The following COL11A1 variants were observed in gnomAD, a reference collection of about 807,000 sequenced individuals.
The protein encoded by COL11A1 is collagen alpha-1(XI) chain.
COL11A1 carries 74 observed loss-of-function variants against 265.2 expected under a neutral mutation model. The observed-to-expected ratio is 0.28, with a 90% CI of 0.23 to 0.34. COL11A1 has a LOEUF of 0.34. COL11A1 is among the 10% of genes least tolerant of loss of function. The pLI is 1.00. For synonymous variants in COL11A1, 816 were observed against 727.6 expected, an observed-to-expected ratio of 1.12 and a Z score of -1.96; for missense variants, 2,165 against 2,263.6, an observed-to-expected ratio of 0.96 and a Z score of 0.88.
At chr1:102,889,043 T>C (rs1651393845) in intron 59 of COL11A1, 124 bp from the exon 60 acceptor site, 2 of 877,970 alleles carry the variant, frequency 2.3e-6, no homozygotes, top group Admixed American at 2.0e-5. Context: ...AAAATATTTA[T>C]GAATGGCTTA....
chr1:103,067,351 C>G (rs536356961), intron 4 of COL11A1, among the ~76,000 whole-genome samples: 1 of 151,718 alleles, frequency 6.6e-6, no homozygotes, highest in African/African-American at 2.4e-5. Flanking sequence ...AAGAAAAGCT[C>G]AAGTATCTAG....
At chr1:102,891,383 G>T (rs774818060) in intron 57 of COL11A1, among the ~76,000 whole-genome samples, 8 of 135,292 alleles carry the variant, frequency 5.9e-5, no homozygotes, top group African/African-American at 2.0e-4. Flanking sequence ...AATTAATAAA[G>T]AAATTTATTT....
intron 4 of COL11A1, among the ~76,000 whole-genome samples, chr1:103,045,960 T>TTCCA (rs1669226532): frequency 6.6e-6 from 1 of 151,890 alleles, no homozygotes; most frequent in South Asian, 2.1e-4. Flanking sequence ...CATTTTTTTA[T>TTCCA]GGCTGCATAG....
rs534377069 is a variant in COL11A1, at chr1:103,007,481, T to C, written c.1683+982A>G. On this transcript the variant is annotated intron_variant, in intron 15 of 66. Transcript: ENST00000370096. ...AACAATATGCATATAATAAACATGG[T>C]AGAAAAAAATGAAACCCAAATTTGA... 1.1e-4 allele frequency among the ~76,000 whole-genome samples: 17 copies of C among 152,166 alleles called. No individual in the cohort carries two copies. In the East Asian group the frequency reaches 3.1e-3, roughly 28 times the overall value.
chr1:103,049,027 T>A (rs1013963477), intron 4 of COL11A1, among the ~76,000 whole-genome samples: 4 of 152,296 alleles, frequency 2.6e-5, no homozygotes, highest in African/African-American at 9.6e-5. Context: ...AAATATGTGG[T>A]CAATTTTGGA....
chr1:103,035,568 A>C (rs1442907716), intron 4 of COL11A1, among the ~76,000 whole-genome samples: 1 of 152,088 alleles, frequency 6.6e-6, no homozygotes, highest in African/African-American at 2.4e-5. Flanking sequence ...AATCGTTTTT[A>C]ATTCATTCAC....
chr1:102,903,011 G>C (rs1246780033), intron 54 of COL11A1, among the ~76,000 whole-genome samples: 2 of 151,876 alleles, frequency 1.3e-5, no homozygotes, highest in African/African-American at 4.8e-5. Context: ...GGCAATATGA[G>C]CCGAATTCAA....
Position 102,978,725 on chromosome 1 carries a change from CAGG to C in COL11A1, c.2734_2736del (p.Pro912del). On this transcript the variant is annotated inframe_deletion, in exon 35 of 67. Coordinates refer to ENST00000370096, the MANE Select transcript of COL11A1 (RefSeq NM_001854.4). ...ATACGTACTCTTTCACCTGGAGGGC[CAGG>C]AGGGCCATCGCCACCTGAAGTGCCC... The C allele has an allele frequency of 6.2e-7, 1 of 1,614,066 alleles. No homozygotes were observed. Among genetic ancestry groups the C allele is most frequent in the Non-Finnish European group, 8.5e-7 (1 of 1,179,970 alleles).
chr1:103,050,286 G>A (rs1669696615), intron 4 of COL11A1, among the ~76,000 whole-genome samples: 1 of 152,112 alleles, frequency 6.6e-6, no homozygotes, highest in African/African-American at 2.4e-5. Context: ...ATTTCTTGGA[G>A]GCTTTGTTCA....
At chr1:102,974,749 A>G in intron 36 of COL11A1, 81 bp downstream of exon 36, 1 of 1,033,102 alleles carries the variant, frequency 9.7e-7, no homozygotes, top group East Asian at 2.4e-5. Context: ...TATATCTAAC[A>G]AATATATAAA....
At chr1:103,005,543 A>G (rs891846590) in intron 18 of COL11A1, among the ~76,000 whole-genome samples, 2 of 152,188 alleles carry the variant, frequency 1.3e-5, no homozygotes, top group African/African-American at 4.8e-5. Context: ...GTAAAATTAA[A>G]TGTCCACATT....
intron 44 of COL11A1, among the ~76,000 whole-genome samples, chr1:102,938,239 C>T (rs1363707504): frequency 6.6e-6 from 1 of 151,808 alleles, no homozygotes; most frequent in East Asian, 1.9e-4. Flanking sequence ...CAAAATAGAA[C>T]CAGACTGGTC....
At position 102,939,900 on chromosome 1, in the gene COL11A1, T is replaced by C. The variant is rs564959937; in HGVS notation, c.3384+427A>G. 9.1e-4 allele frequency among the ~76,000 whole-genome samples: 138 copies of C among 152,172 alleles called. 1 individual carries two copies. The Middle Eastern group carries it at 0.01, about 11-fold the overall frequency. ...TACATTTGGAATTAGGAGCTTAGAGTCTGTACTCACATGTTGGTAAATGAT... is the reference window on the plus strand; with the variant it reads ...TACATTTGGAATTAGGAGCTTAGAGCCTGTACTCACATGTTGGTAAATGAT... On this transcript the variant is annotated intron_variant, in intron 43 of 66. Coordinates refer to ENST00000370096, the MANE Select transcript of COL11A1 (RefSeq NM_001854.4).
chr1:102,989,451 A>G, intron 29 of COL11A1, 67 bp downstream of exon 29: 1 of 943,362 alleles, frequency 1.1e-6, no homozygotes, highest in Admixed American at 2.7e-5. Flanking sequence ...ATTTAAAGAT[A>G]AGCAAAGGAA....
chr1:102,889,064 C>T lies in COL11A1; in HGVS notation c.4465-145G>A. On this transcript the variant is annotated intron_variant, in intron 59 of 66. Coordinates refer to ENST00000370096, the MANE Select transcript of COL11A1 (RefSeq NM_001854.4). ...TTTATGAATGGCTTAAACATTTTTC[C>T]ATGGTGAATCTAAAAAATAACTTGT... 3.9e-6 allele frequency: 3 copies of T among 769,480 alleles called. No individual in the cohort carries two copies. In the South Asian group the frequency reaches 4.8e-5, roughly 12 times the overall value. The allele number at this position is 769,480 out of a possible 1,614,324, so 47.7% of individuals were successfully genotyped here. A position where few individuals can be genotyped will look rare whatever the true frequency, so the allele number is the denominator to read the frequency against.
At position 103,001,779 on chromosome 1, in the gene COL11A1, T is replaced by C. The variant is rs145006028; in HGVS notation, c.2142+146A>G. On this transcript the variant is annotated intron_variant, in intron 24 of 66. Coordinates refer to ENST00000370096, the MANE Select transcript of COL11A1 (RefSeq NM_001854.4). ...ACATGAATGAAATCTCCCCACACTA[T>C]ATTTCCATGTCGACTCCAGATTAAT... 54 of 722,056 alleles carry C rather than the reference T, an allele frequency of 7.5e-5. No homozygotes were observed. In the African/African-American group the frequency reaches 9.2e-4, roughly 12 times the overall value. The allele number at this position is 722,056 out of a possible 1,614,324, so 44.7% of individuals were successfully genotyped here. A position where few individuals can be genotyped will look rare whatever the true frequency, so the allele number is the denominator to read the frequency against.
chr1:102,922,835 G>C (rs999057004), intron 47 of COL11A1, among the ~76,000 whole-genome samples: 35 of 152,154 alleles, frequency 2.3e-4, no homozygotes, highest in Non-Finnish European at 4.3e-4. Flanking sequence ...TTCAAAATGT[G>C]TATTTTGAAG....
At chr1:102,992,846 T>G (rs1034740478) in intron 28 of COL11A1, among the ~76,000 whole-genome samples, 1 of 152,132 alleles carries the variant, frequency 6.6e-6, no homozygotes, top group African/African-American at 2.4e-5. Context: ...AACCCAGAAC[T>G]TTTGGTTCCC....
intron 44 of COL11A1, among the ~76,000 whole-genome samples, chr1:102,936,629 G>A (rs1476405753): frequency 1.3e-5 from 2 of 152,022 alleles, no homozygotes; most frequent in Non-Finnish European, 1.5e-5. Flanking sequence ...TATTAATATC[G>A]CATAAAGAAT....
Sources: allele counts gnomAD v4.1 joint callset (sites outside exome capture counted in the v4.1 genomes callset), GRCh38; gene constraint gnomAD v4.1.1; transcripts MANE v1.5; gene names NCBI Gene and HGNC (gene_info 2026-07-23, HGNC 2026-07-21).